ABCC4: variants seen among roughly 807,000 people sequenced by gnomAD.
ABCC4 encodes ATP binding cassette subfamily C member 4 (PEL blood group).
A neutral mutation model predicts 168.5 loss-of-function variants in ABCC4; 102 were observed. That is an observed-to-expected ratio of 0.61 (90% CI 0.52 to 0.71). The LOEUF is 0.71. Ranked by LOEUF, ABCC4 falls within the 30% of genes least tolerant of loss-of-function variation. The pLI is 0.00. For synonymous variants in ABCC4, 617 were observed against 590.7 expected (o/e 1.04, Z -0.65); for missense variants, 1,402 against 1,605.8 (o/e 0.87, Z 2.17).
intron 19 of ABCC4, among the ~76,000 whole-genome samples, chr13:95,124,147 A>G (rs1165059059): frequency 6.6e-6 from 1 of 152,202 alleles, no homozygotes; most frequent in Non-Finnish European, 1.5e-5. Context: ...CTTCAAAGCC[A>G]TATTTGTAAA....
At chr13:95,077,351 T>A (rs981427739) in intron 21 of ABCC4, among the ~76,000 whole-genome samples, 4 of 152,142 alleles carry the variant, frequency 2.6e-5, no homozygotes, top group African/African-American at 4.8e-5. Flanking sequence ...TTATTTATTT[T>A]TTTCTGAGAC....
chr13:95,040,528 G>A (rs2032311368), intron 29 of ABCC4, among the ~76,000 whole-genome samples: 2 of 152,110 alleles, frequency 1.3e-5, no homozygotes, highest in South Asian at 2.1e-4. Context: ...GAGCCACCGC[G>A]CCCAGCCCCA....
At chr13:95,164,648 A>T in intron 15 of ABCC4, 130 bp from the exon 16 acceptor site, 4 of 891,428 alleles carry the variant, frequency 4.5e-6, no homozygotes, top group Non-Finnish European at 6.7e-6. Flanking sequence ...CCTGTGGAGA[A>T]GGGTGTGGAA....
At chr13:95,131,599 T>C (rs2035966411) in intron 19 of ABCC4, among the ~76,000 whole-genome samples, 1 of 151,966 alleles carries the variant, frequency 6.6e-6, no homozygotes, top group Non-Finnish European at 1.5e-5. Context: ...ACTGCACTCC[T>C]GCCTGGGCAA....
intron 1 of ABCC4, among the ~76,000 whole-genome samples, chr13:95,250,505 T>C (rs1431809891): frequency 6.6e-6 from 1 of 152,104 alleles, no homozygotes; most frequent in African/African-American, 2.4e-5. Flanking sequence ...CCTTGAGCAA[T>C]GATCTAGGGT....
At chr13:95,269,824 T>C (rs1350890077) in intron 1 of ABCC4, among the ~76,000 whole-genome samples, 1 of 151,972 alleles carries the variant, frequency 6.6e-6, no homozygotes, top group South Asian at 2.1e-4. Flanking sequence ...ATGGTGACAG[T>C]GTGGGGTTTT....
At chr13:95,280,746 G>A (rs1392548870) in intron 1 of ABCC4, among the ~76,000 whole-genome samples, 7 of 152,036 alleles carry the variant, frequency 4.6e-5, no homozygotes, top group Non-Finnish European at 7.4e-5. Flanking sequence ...AATTCCTCCC[G>A]AGGAACTGTG....
chr13:95,020,220 G>C lies in ABCC4; in HGVS notation c.*1355C>G, dbSNP rs944812436. ...AAAACATCTGTTGCTCTCTGCTGAT[G>C]AGCAAAAAACTTGCTATACGAAGGA... On this transcript the variant is annotated 3_prime_UTR_variant, in exon 31 of 31. Coordinates refer to ENST00000645237, the MANE Select transcript of ABCC4 (RefSeq NM_005845.5). 4 of 152,150 alleles carry C rather than the reference G, an allele frequency of 2.6e-5. No homozygotes were observed. The South Asian group carries it at 6.2e-4, about 24-fold the overall frequency. 9.4% of individuals were successfully genotyped at this position (152,150 alleles called of 1,614,324 possible). A position where few individuals can be genotyped will look rare whatever the true frequency, so the allele number is the denominator to read the frequency against.
chr13:95,146,156 A>C (rs1173077111), intron 19 of ABCC4, among the ~76,000 whole-genome samples: 1 of 150,998 alleles, frequency 6.6e-6, no homozygotes, highest in African/African-American at 2.4e-5. Context: ...AGTTGCAGTG[A>C]GCCAAGATTG....
In ABCC4 at chr13:95,035,368, GA is replaced by G. The variant is rs1258164685; in HGVS notation, c.3736-630del. 2.0e-5 allele frequency among the ~76,000 whole-genome samples: 3 copies of G among 152,322 alleles called. No individual in the cohort carries two copies. The East Asian group carries it at 5.8e-4, about 29-fold the overall frequency. ...GGGTGTACTTTATTATTCCGAGAGA[GA>G]AAGGCTAGCCGAAAAAGCTGTTACC... On this transcript the variant is annotated intron_variant, in intron 29 of 30. Transcript: ENST00000645237.
At chr13:95,211,905 C>T (rs1446515470) in intron 4 of ABCC4, among the ~76,000 whole-genome samples, 1 of 152,062 alleles carries the variant, frequency 6.6e-6, no homozygotes, top group Non-Finnish European at 1.5e-5. Context: ...AATGGCCGGG[C>T]GCGGTGGCTC....
At chr13:95,242,567 T>C (rs974506567) in intron 3 of ABCC4, among the ~76,000 whole-genome samples, 2 of 151,912 alleles carry the variant, frequency 1.3e-5, no homozygotes, top group African/African-American at 4.8e-5. Context: ...CTGTCACCCA[T>C]GCTGGAGTGC....
intron 20 of ABCC4, among the ~76,000 whole-genome samples, chr13:95,085,976 C>G (rs2034243119): frequency 6.6e-6 from 1 of 151,488 alleles, no homozygotes; most frequent in African/African-American, 2.4e-5. Context: ...CTCTTAATCA[C>G]TGCAAGATAC....
chr13:95,286,819 T>A (rs2041268072), intron 1 of ABCC4, among the ~76,000 whole-genome samples: 1 of 151,250 alleles, frequency 6.6e-6, no homozygotes, highest in African/African-American at 2.4e-5. Flanking sequence ...TAGCCAGGTG[T>A]GGTGGCACAC....
At chr13:95,218,925 A>AAGAG (rs777167513) in intron 4 of ABCC4, among the ~76,000 whole-genome samples, 2 of 94,738 alleles carry the variant, frequency 2.1e-5, no homozygotes, top group African/African-American at 9.7e-5. Flanking sequence ...GAGAGAAAGA[A>AAGAG]AGAGAAAGAA....
intron 4 of ABCC4, 139 bp from the exon 5 acceptor site, chr13:95,210,920 C>G (rs112356823): frequency 1.7e-6 from 1 of 589,808 alleles, no homozygotes; most frequent in Non-Finnish European, 3.0e-6. Flanking sequence ...CCCACTGCCC[C>G]CTCTCTCTGC....
In ABCC4 at chr13:95,074,228, A is replaced by C; in HGVS notation, c.2903T>G (p.Leu968Arg). The change falls in exon 23 of 31, where the codon CTG becomes CGG. Residue 968 changes from leucine (L) to arginine (R), a missense_variant. Leu to Arg is a moderately radical substitution (Grantham distance 102, BLOSUM62 -2). Transcript: ENST00000645237. ...MFVIIVAFGS[L>R]ILAKTLDAGQ... Reference sequence around the variant, plus strand: ...TCTGTACTTACTTTTTGCCAGAATCAGGGACCCAAAGGCAACGATGATGAC... The same window carrying C: ...TCTGTACTTACTTTTTGCCAGAATCCGGGACCCAAAGGCAACGATGATGAC... 1 of 1,613,212 alleles carries C rather than the reference A, an allele frequency of 6.2e-7. No individual in the cohort carries two copies. Among genetic ancestry groups the C allele is most frequent in the Non-Finnish European group, 8.5e-7 (1 of 1,179,506 alleles).
chr13:95,056,220 G>A (rs1255793038), intron 26 of ABCC4, among the ~76,000 whole-genome samples: 1 of 152,170 alleles, frequency 6.6e-6, no homozygotes, highest in African/African-American at 2.4e-5. Context: ...ACACTGCACA[G>A]TAGCTAGCCA....
At chr13:95,098,477 G>A (rs775913896) in intron 20 of ABCC4, among the ~76,000 whole-genome samples, 11 of 152,048 alleles carry the variant, frequency 7.2e-5, no homozygotes, top group Non-Finnish European at 1.3e-4. Context: ...CAAATTATCA[G>A]TGTCGGGAAT....
Sources: gnomAD v4.1 joint callset for allele counts (sites outside exome capture counted in the v4.1 genomes callset) on GRCh38, gnomAD v4.1.1 for gene constraint, MANE v1.5 for transcripts, NCBI Gene and HGNC (gene_info 2026-07-23, HGNC 2026-07-21) for gene names.